ADAM2: variants seen among roughly 807,000 people sequenced by gnomAD.
ADAM2 encodes ADAM metallopeptidase domain 2.
Under a neutral mutation model 99.3 loss-of-function variants are expected in ADAM2, and 101 were observed. The ratio of observed to expected loss-of-function variants is 1.02; its 90% CI spans 0.87 to 1.20. ADAM2 has a LOEUF of 1.20. Among genes scored for constraint, ADAM2 ranks in the 50% most tolerant of loss-of-function variants. ADAM2 has a pLI of 0.00. For missense variants in ADAM2, 948 were observed against 878.7 expected (o/e 1.08, Z -1.00); for synonymous variants, 323 against 287.6 (o/e 1.12, Z -1.25).
intron 11 of ADAM2, 145 bp downstream of exon 11, chr8:39,776,880 T>G (rs950351219): frequency 1.8e-6 from 1 of 556,974 alleles, no homozygotes; most frequent in African/African-American, 1.9e-5. Flanking sequence ...ATATGCATCG[T>G]GGGCATTGGA....
chr8:39,763,172 G>C (rs533443298), intron 14 of ADAM2, among the ~76,000 whole-genome samples: 1 of 151,972 alleles, frequency 6.6e-6, no homozygotes, highest in African/African-American at 2.4e-5. Flanking sequence ...TTACCAGGTG[G>C]CTAGGGCTAC....
chr8:39,748,999 C>A (rs1823589257), intron 18 of ADAM2, among the ~76,000 whole-genome samples: 1 of 152,096 alleles, frequency 6.6e-6, no homozygotes. Context: ...TGGGTTGCCT[C>A]ACCTTTCTCT....
chr8:39,786,729 G>A (rs371900087), intron 10 of ADAM2, among the ~76,000 whole-genome samples: 1 of 151,980 alleles, frequency 6.6e-6, no homozygotes, highest in Admixed American at 6.6e-5. Context: ...TTTACAGTAA[G>A]ACTAAACTAG....
intron 11 of ADAM2, among the ~76,000 whole-genome samples, chr8:39,772,689 A>C (rs1802830776): frequency 6.6e-6 from 1 of 152,026 alleles, no homozygotes; most frequent in Non-Finnish European, 1.5e-5. Flanking sequence ...TATCAACCAC[A>C]TTTCAACCAT....
At chr8:39,786,406 C>A (rs1310632833) in intron 10 of ADAM2, among the ~76,000 whole-genome samples, 3 of 152,064 alleles carry the variant, frequency 2.0e-5, no homozygotes, top group Non-Finnish European at 4.4e-5. Context: ...AGATATTATA[C>A]AAACACTCAC....
intron 3 of ADAM2, among the ~76,000 whole-genome samples, chr8:39,830,810 G>C (rs1805585179): frequency 6.6e-6 from 1 of 152,126 alleles, no homozygotes; most frequent in African/African-American, 2.4e-5. Context: ...TGTCATGTCA[G>C]TGTTTGTTTC....
chr8:39,751,730 G>A (rs972888944), intron 16 of ADAM2, among the ~76,000 whole-genome samples: 1 of 152,122 alleles, frequency 6.6e-6, no homozygotes, highest in African/African-American at 2.4e-5. Context: ...TTTGAGATAA[G>A]AATCATAATG....
intron 10 of ADAM2, among the ~76,000 whole-genome samples, chr8:39,780,284 A>T (rs1358531754): frequency 6.6e-6 from 1 of 152,150 alleles, no homozygotes; most frequent in African/African-American, 2.4e-5. Context: ...CTCCCATGAC[A>T]CATGGGAATT....
At chr8:39,798,391 G>T (rs1393629940) in intron 7 of ADAM2, among the ~76,000 whole-genome samples, 1 of 152,072 alleles carries the variant, frequency 6.6e-6, no homozygotes, top group Non-Finnish European at 1.5e-5. Flanking sequence ...GATGAAGCTG[G>T]CTTGATTTTG....
chr8:39,835,614 C>T (rs1805790938), intron 2 of ADAM2, among the ~76,000 whole-genome samples: 1 of 149,808 alleles, frequency 6.7e-6, no homozygotes, highest in Non-Finnish European at 1.5e-5. Flanking sequence ...ACCTGGGAGG[C>T]GGAGCTTGCA....
chr8:39,835,801 A>G (rs942861674), intron 2 of ADAM2, among the ~76,000 whole-genome samples: 1 of 152,082 alleles, frequency 6.6e-6, no homozygotes, highest in Admixed American at 6.5e-5. Context: ...TGTTGAATTA[A>G]TTAGCATAAT....
intron 11 of ADAM2, among the ~76,000 whole-genome samples, chr8:39,773,623 G>T (rs917062084): frequency 2.9e-4 from 44 of 151,470 alleles, no homozygotes; most frequent in African/African-American, 1.0e-3. Context: ...AGCTATAAAA[G>T]ATTTTATGAA....
At chr8:39,766,709 T>A (rs1802579633) in intron 14 of ADAM2, 139 bp downstream of exon 14, 2 of 734,530 alleles carry the variant, frequency 2.7e-6, no homozygotes, top group Non-Finnish European at 4.2e-6. Context: ...CGCCTGGCCG[T>A]ATTCTTCTCT....
At chr8:39,770,243 A>G (rs1190835075) in intron 11 of ADAM2, among the ~76,000 whole-genome samples, 1 of 152,160 alleles carries the variant, frequency 6.6e-6, no homozygotes, top group Admixed American at 6.5e-5. Flanking sequence ...CAACGCGCCC[A>G]GCCCAGGCTT....
At chr8:39,821,298 GGA>G in intron 5 of ADAM2, 128 bp from the exon 6 acceptor site, 2 of 705,604 alleles carry the variant, frequency 2.8e-6, no homozygotes, top group South Asian at 4.6e-5. Context: ...TGATAAAATA[GGA>G]GAAAGTTACT....
intron 16 of ADAM2, among the ~76,000 whole-genome samples, chr8:39,751,712 ATT>A (rs1251257496): frequency 1.3e-5 from 2 of 152,164 alleles, no homozygotes; most frequent in Admixed American, 1.3e-4. Context: ...AAACAGATTT[ATT>A]TTTGTTTTGA....
chr8:39,810,954 T>C lies in ADAM2; in HGVS notation c.514-1488A>G, dbSNP rs1357536761. Among the ~76,000 whole-genome samples the C allele has an allele frequency of 4.6e-5, 7 of 151,134 alleles. No homozygotes were observed. The South Asian group carries it at 1.0e-3, about 23-fold the overall frequency. On this transcript the variant is annotated intron_variant, in intron 6 of 20. Transcript: ENST00000265708. ...AAGATCAGAGCAGAACTGAAGGAGA[T>C]AGAGACCAAAAAAAAACCCTTCAAA...
At chr8:39,785,796 T>TAAAAA (rs58429092) in intron 10 of ADAM2, among the ~76,000 whole-genome samples, 4 of 122,496 alleles carry the variant, frequency 3.3e-5, no homozygotes, top group Admixed American at 8.2e-5. Flanking sequence ...CTGTCTCAAA[T>TAAAAA]AAAAAAAAAA....
Position 39,837,187 on chromosome 8 carries a change from A to T in ADAM2, c.81T>A (p.Ile27=), listed in dbSNP as rs372840584. The change falls in exon 2 of 21, where the codon ATT becomes ATA. Residue 27 remains isoleucine (I), a synonymous_variant. Transcript: ENST00000265708. ...DSNFDSLPVQ[I]TVPEKIRSII... is the part of the protein sequence containing the mutation. ...TTGACCGTATTTTCTCCGGAACTGT[A>T]ATTTGCACAGGTAAACTATCAAAAT... is the stretch of plus-strand genomic sequence containing the variant. 4 of 1,610,054 alleles carry T rather than the reference A, an allele frequency of 2.5e-6. No individual in the cohort carries two copies. The East Asian group carries it at 8.9e-5, about 36-fold the overall frequency.
Sources: allele counts gnomAD v4.1 joint callset (sites outside exome capture counted in the v4.1 genomes callset), GRCh38; gene constraint gnomAD v4.1.1; transcripts MANE v1.5; gene names NCBI Gene and HGNC (gene_info 2026-07-23, HGNC 2026-07-21).